The following TFCP2L1 variants were observed in gnomAD, a reference collection of about 807,000 sequenced individuals.
TFCP2L1 encodes transcription factor CP2-like protein 1.
TFCP2L1 carries 12 observed loss-of-function variants against 72.2 expected under a neutral mutation model. The ratio of observed to expected loss-of-function variants is 0.17; its 90% CI spans 0.11 to 0.27. The LOEUF (loss-of-function observed/expected upper bound fraction) is 0.27, where lower values mean the gene tolerates loss of function less well. Among genes scored for constraint, TFCP2L1 ranks in the 10% least tolerant of loss-of-function variants. TFCP2L1 has a pLI of 1.00. For synonymous variants in TFCP2L1, 260 were observed against 251.0 expected (o/e 1.04, Z -0.34); for missense variants, 488 against 624.6 (o/e 0.78, Z 2.33).
rs139399854 is a variant in TFCP2L1 at position 121,254,988 on chromosome 2, T to C, written c.215-5341A>G. Among the ~76,000 whole-genome samples, 4 of 152,236 alleles carry C rather than the reference T, an allele frequency of 2.6e-5. No individual in the cohort carries two copies. In the East Asian group the frequency reaches 7.7e-4, roughly 29 times the overall value. On this transcript the variant is annotated intron_variant, in intron 2 of 14. Transcript: ENST00000263707. ...CACTAGCAGTTAGGATCACCTGCCC[T>C]CCTGGATGGGGGAAGCAGAGGCTCA...
chr2:121,253,378 G>C (rs1686649715), intron 2 of TFCP2L1, among the ~76,000 whole-genome samples: 1 of 152,210 alleles, frequency 6.6e-6, no homozygotes, highest in Non-Finnish European at 1.5e-5. Context: ...CAACATGGCT[G>C]ACTTTCTGAA....
At chr2:121,228,031 C>T (rs994000249) in intron 13 of TFCP2L1, among the ~76,000 whole-genome samples, 9 of 152,378 alleles carry the variant, frequency 5.9e-5, no homozygotes, top group Admixed American at 5.2e-4. Context: ...TGCCCTTGCA[C>T]CCCAGGGGCC....
At chr2:121,267,535 T>C (rs1898916) in intron 2 of TFCP2L1, among the ~76,000 whole-genome samples, 80,161 of 151,344 alleles carry the variant, frequency 0.53, 23,934 homozygotes, top group African/African-American at 0.81. Flanking sequence ...GCTCTGTCAC[T>C]CAGGCTGGAG....
At chr2:121,229,920 A>T (rs563719536) in intron 13 of TFCP2L1, among the ~76,000 whole-genome samples, 11 of 152,262 alleles carry the variant, frequency 7.2e-5, no homozygotes, top group African/African-American at 2.6e-4. Context: ...GGTCAGGAAC[A>T]CTCTTGGCAG....
At chr2:121,246,760 A>C in intron 6 of TFCP2L1, 58 bp downstream of exon 6, 9 of 1,604,382 alleles carry the variant, frequency 5.6e-6, no homozygotes, top group Non-Finnish European at 7.7e-6. Flanking sequence ...CTGTGGGCGA[A>C]TGTGACCACA....
chr2:121,275,251 G>A (rs1483353983), intron 2 of TFCP2L1, among the ~76,000 whole-genome samples: 5 of 137,698 alleles, frequency 3.6e-5, no homozygotes, highest in Non-Finnish European at 7.7e-5. Flanking sequence ...AGGCATGGCG[G>A]CGGGCGCCTG....
chr2:121,223,918 G>A lies in TFCP2L1; in HGVS notation c.*423C>T, dbSNP rs192594508. On this transcript the variant is annotated 3_prime_UTR_variant, in exon 15 of 15. Transcript: ENST00000263707. ...GCCAACTCCCAGAGGAGGAGGTAAA[G>A]GTACCAGCTTCCAGGGTGAAGCAGA... The A allele has an allele frequency of 2.4e-4, 44 of 179,754 alleles. No individual in the cohort carries two copies. The highest frequency in any genetic ancestry group is 1.0e-3 in the African/African-American group (43 of 42,576). 11.1% of individuals were successfully genotyped at this position (179,754 alleles called of 1,614,324 possible).
chr2:121,247,425 C>T (rs1039161776), intron 5 of TFCP2L1, among the ~76,000 whole-genome samples: 2 of 152,002 alleles, frequency 1.3e-5, no homozygotes, highest in Non-Finnish European at 2.9e-5. Context: ...CTGGTAGGTT[C>T]CTACTACATA....
rs1179725022 is a variant in TFCP2L1 at position 121,246,878 on chromosome 2, G to A, written c.597C>T (p.Asn199=). Residue 199 remains asparagine, a synonymous_variant, in exon 6 of 15, where the codon AAC becomes AAT. Transcript: ENST00000263707. ...FRVQIDTFKQ[N]ENGEYTEHLH... ...GGTGCTCCGTGTACTCCCCATTCTC[G>A]TTCTGCTTAAACGTGTCAATCTGGA... 7.4e-6 allele frequency: 12 copies of A among 1,614,144 alleles called. No individual in the cohort carries two copies. Among genetic ancestry groups the A allele is most frequent in the Non-Finnish European group, 8.5e-6 (10 of 1,180,004 alleles).
chr2:121,249,841 C>T (rs774302220), intron 2 of TFCP2L1, among the ~76,000 whole-genome samples, 194 bp from the exon 3 acceptor site: 2 of 152,226 alleles, frequency 1.3e-5, no homozygotes, highest in Admixed American at 6.5e-5. Flanking sequence ...CCCGCCAGGT[C>T]GGGCCTAGGA....
At position 121,221,916 on chromosome 2, in the gene TFCP2L1, G is replaced by A. The variant is rs1280831009; in HGVS notation, c.*2425C>T. The A allele has an allele frequency of 1.3e-5, 2 of 151,588 alleles. No individual in the cohort carries two copies. The highest frequency in any genetic ancestry group is 4.8e-5 in the African/African-American group (2 of 41,268). The allele number at this position is 151,588 out of a possible 1,614,324, so 9.4% of individuals were successfully genotyped here. A position where few individuals can be genotyped will look rare whatever the true frequency, so the allele number is the denominator to read the frequency against. On this transcript the variant is annotated 3_prime_UTR_variant, in exon 15 of 15. Coordinates refer to ENST00000263707, the MANE Select transcript of TFCP2L1 (RefSeq NM_014553.3). ...TCACCCAACTCAATAATAAAAAGAAGGCTCATCCCTGGTAGTCTAGTGGTT... is the reference window on the plus strand; with the variant it reads ...TCACCCAACTCAATAATAAAAAGAAAGCTCATCCCTGGTAGTCTAGTGGTT...
At position 121,239,668 on chromosome 2, in the gene TFCP2L1, G is replaced by A. The variant is rs759418170; in HGVS notation, c.769-19C>T. ...GAGAGCACTGCAGGAGAGAGCACAG[G>A]GCGAGCTGGGATCTGGAGAGGCGCT... On this transcript the variant is annotated intron_variant, in intron 7 of 14. Coordinates refer to ENST00000263707, the MANE Select transcript of TFCP2L1 (RefSeq NM_014553.3). 1.9e-6 allele frequency: 3 copies of A among 1,610,028 alleles called. No homozygotes were observed. Among genetic ancestry groups the A allele is most frequent in the Non-Finnish European group, 1.7e-6 (2 of 1,177,428 alleles).
At chr2:121,253,163 G>A (rs1341578987) in intron 2 of TFCP2L1, among the ~76,000 whole-genome samples, 1 of 152,182 alleles carries the variant, frequency 6.6e-6, no homozygotes, top group East Asian at 1.9e-4. Flanking sequence ...CATGCCCACT[G>A]GGTCAGACTC....
chr2:121,234,010 G>A (rs1359795739), intron 12 of TFCP2L1, 81 bp downstream of exon 12: 2 of 1,275,540 alleles, frequency 1.6e-6, no homozygotes, highest in East Asian at 2.3e-5. Flanking sequence ...CACTGGAAAT[G>A]AACAGAGGCC....
At chr2:121,250,874 G>T (rs916502079) in intron 2 of TFCP2L1, among the ~76,000 whole-genome samples, 2 of 151,338 alleles carry the variant, frequency 1.3e-5, no homozygotes, top group African/African-American at 4.8e-5. Context: ...CAAAGTGCTG[G>T]GATTACAGGC....
chr2:121,281,553 C>T (rs1558749297), intron 1 of TFCP2L1, among the ~76,000 whole-genome samples: 1 of 152,210 alleles, frequency 6.6e-6, no homozygotes, highest in Non-Finnish European at 1.5e-5. Flanking sequence ...CTAACATCTA[C>T]AGAAATCCTC....
chr2:121,248,339 C>T (rs1361715601), intron 4 of TFCP2L1, 69 bp from the exon 5 acceptor site: 2 of 1,291,944 alleles, frequency 1.5e-6, no homozygotes, highest in African/African-American at 1.5e-5. Flanking sequence ...GGAAAGACCC[C>T]TGTTACAGGT....
intron 13 of TFCP2L1, among the ~76,000 whole-genome samples, chr2:121,225,822 A>C (rs886397754): frequency 5.3e-5 from 8 of 149,940 alleles, no homozygotes; most frequent in Middle Eastern, 3.4e-3. Flanking sequence ...CGGTGCCCAC[A>C]CACACGGGAA....
At position 121,227,724 on chromosome 2, in the gene TFCP2L1, C is replaced by T. The variant is rs1019022853; in HGVS notation, c.1342-2111G>A. Among the ~76,000 whole-genome samples, 4 of 147,458 alleles carry T rather than the reference C, an allele frequency of 2.7e-5. No individual in the cohort carries two copies. The East Asian group carries it at 7.8e-4, about 29-fold the overall frequency. On this transcript the variant is annotated intron_variant, in intron 13 of 14. Transcript: ENST00000263707. ...ATAAAATATATAAACATACAATACACACACACACACACACACACACACACA... is the reference window on the plus strand; with the variant it reads ...ATAAAATATATAAACATACAATACATACACACACACACACACACACACACA...
Sources: allele counts gnomAD v4.1 joint callset (sites outside exome capture counted in the v4.1 genomes callset), GRCh38; gene constraint gnomAD v4.1.1; transcripts MANE v1.5; gene names NCBI Gene and HGNC (gene_info 2026-07-23, HGNC 2026-07-21).